SEZ6L2: variants seen among roughly 807,000 people sequenced by gnomAD.
SEZ6L2 encodes the protein seizure 6-like protein 2.
Under a neutral mutation model 97.0 loss-of-function variants are expected in SEZ6L2, and 44 were observed. That is an observed-to-expected ratio of 0.45 (90% CI 0.36 to 0.58). SEZ6L2 has a LOEUF of 0.58. Ranked by LOEUF, SEZ6L2 falls within the 20% of genes least tolerant of loss-of-function variation. The pLI is 0.00. For missense variants in SEZ6L2, 1,086 were observed against 1,233.3 expected, an observed-to-expected ratio of 0.88 and a Z score of 1.79; for synonymous variants, 543 against 546.1, an observed-to-expected ratio of 0.99 and a Z score of 0.08.
chr16:29,885,608 C>T lies in SEZ6L2; in HGVS notation c.1350G>A (p.Leu450=). 1 of 1,613,844 alleles carries T rather than the reference C, an allele frequency of 6.2e-7. No homozygotes were observed. Residue 450 remains leucine, a synonymous_variant, in exon 8 of 18, where the codon CTG becomes CTA. Transcript: ENST00000617533. ...ELLSETPANP[L]LLSLRFEAFE... ...TACCTTCAAATCGAAGGCTTAACAG[C>T]AGGGGATTGGCAGGTGTCTCTGACA...
chr16:29,885,465 C>T, intron 8 of SEZ6L2, 121 bp downstream of exon 8: 1 of 1,078,920 alleles, frequency 9.3e-7, no homozygotes. Context: ...AAGCGAGTCA[C>T]GTTTCAAGGA....
chr16:29,883,493 T>A (rs1224782618), intron 8 of SEZ6L2, among the ~76,000 whole-genome samples: 4 of 152,092 alleles, frequency 2.6e-5, no homozygotes, highest in Non-Finnish European at 4.4e-5. Flanking sequence ...TACTTTTTTT[T>A]AATTTGTAGA....
intron 5 of SEZ6L2, among the ~76,000 whole-genome samples, chr16:29,890,743 C>CT (rs71143763): frequency 0.029 from 2,170 of 74,364 alleles, 27 homozygotes; most frequent in African/African-American, 0.036. Context: ...TAACCATTGT[C>CT]TTTTTTTTTT....
chr16:29,895,842 ATGT>A lies in SEZ6L2; in HGVS notation c.527_529del (p.Asn176del), dbSNP rs1399787005. 12 of 1,613,038 alleles carry A rather than the reference ATGT, an allele frequency of 7.4e-6. No individual in the cohort carries two copies. In the African/African-American group the frequency reaches 8.0e-5, roughly 11 times the overall value. On this transcript the variant is annotated inframe_deletion, in exon 4 of 18. Coordinates refer to ENST00000617533, the MANE Select transcript of SEZ6L2 (RefSeq NM_001243332.2). Reference sequence around the variant, plus strand: ...CTCCACATACCCTTCGCCCTCGGAGATGTTGTTATTACACAGAACTGAGGAGAT... The same window carrying A: ...CTCCACATACCCTTCGCCCTCGGAGATGTTATTACACAGAACTGAGGAGAT...
At chr16:29,886,305 G>T (rs1447183043) in intron 7 of SEZ6L2, among the ~76,000 whole-genome samples, 1 of 152,134 alleles carries the variant, frequency 6.6e-6, no homozygotes, top group Admixed American at 6.6e-5. Context: ...GGAGGTGGAG[G>T]TTGCAGTGAG....
intron 3 of SEZ6L2, among the ~76,000 whole-genome samples, chr16:29,896,244 G>C (rs1191177747): frequency 6.6e-6 from 1 of 151,992 alleles, no homozygotes; most frequent in Non-Finnish European, 1.5e-5. Context: ...GATTACAGCT[G>C]TGCGCTGCTG....
At position 29,885,209 on chromosome 16, in the gene SEZ6L2, A is replaced by AAAAT. The variant is rs34032092; in HGVS notation, c.1372+373_1372+376dup. On this transcript the variant is annotated intron_variant, in intron 8 of 17. Transcript: ENST00000617533. ...GGTGACAGAGCGAGACTCGTCTCAA[A>AAAAT]AAATAAATAAATAAATAAATAAAAT... Among the ~76,000 whole-genome samples, 322 of 151,246 alleles carry AAAAT rather than the reference A, an allele frequency of 2.1e-3. 5 individuals carry two copies. The highest frequency in any genetic ancestry group is 9.7e-4 in the East Asian group (5 of 5,166).
chr16:29,897,273 C>T, intron 2 of SEZ6L2, 152 bp from the exon 3 acceptor site: 1 of 650,810 alleles, frequency 1.5e-6, no homozygotes, highest in Non-Finnish European at 2.5e-6. Context: ...CTTCCCCACC[C>T]CAGCCCCTAC....
At chr16:29,888,747 T>A in intron 5 of SEZ6L2, 22 bp from the exon 6 acceptor site, 1 of 1,593,674 alleles carries the variant, frequency 6.3e-7, no homozygotes, top group East Asian at 2.2e-5. Flanking sequence ...AGACAGCGGG[T>A]AGCAGGGCTC....
Position 29,878,358 on chromosome 16 carries a change from A to G in SEZ6L2, c.1641T>C (p.Tyr547=), listed in dbSNP as rs528374068. The G allele has an allele frequency of 2.1e-5, 34 of 1,608,386 alleles. No homozygotes were observed. The East Asian group carries it at 5.6e-4, about 26-fold the overall frequency. ...CCCACACGCAGTCTTGGCCCGGGCT[A>G]TAGCTCTGGGGCCAGTCGGGAGAGA... is the stretch of plus-strand genomic sequence containing the variant. ...VVLSPDWPQS[Y]SPGQDCVWGV... Residue 547 remains tyrosine, a synonymous_variant, in exon 10 of 18, where the codon TAT becomes TAC. Transcript: ENST00000617533.
intron 1 of SEZ6L2, 48 bp downstream of exon 1, chr16:29,898,893 C>T (rs780074855): frequency 2.0e-6 from 3 of 1,481,932 alleles, no homozygotes; most frequent in Non-Finnish European, 2.8e-6. Context: ...GTGGAGGACC[C>T]CGCTGGACGC....
chr16:29,893,122 C>T (rs547061367), intron 5 of SEZ6L2, among the ~76,000 whole-genome samples: 1 of 152,034 alleles, frequency 6.6e-6, no homozygotes, highest in African/African-American at 2.4e-5. Context: ...GTCGGGAGTT[C>T]GAGACCAGCC....
chr16:29,873,226 G>C lies in SEZ6L2; in HGVS notation c.2488+14C>G, dbSNP rs773711466. 1.3e-5 allele frequency: 21 copies of C among 1,613,220 alleles called. No homozygotes were observed. The South Asian group carries it at 2.3e-4, about 18-fold the overall frequency. ...GACACTGGTGTGCCCCTCCTGCCCTGTCTGGCCAGGCACCTTTGCAGAGTG... is the reference window on the plus strand; with the variant it reads ...GACACTGGTGTGCCCCTCCTGCCCTCTCTGGCCAGGCACCTTTGCAGAGTG... On this transcript the variant is annotated intron_variant, in intron 14 of 17. Coordinates refer to ENST00000617533, the MANE Select transcript of SEZ6L2 (RefSeq NM_001243332.2). This position sits in a 1 kb window ranked among gnomAD's most constrained non-coding sequence, Gnocchi z 4.3.
In SEZ6L2 at chr16:29,896,908, G is replaced by C. The variant is rs1204377961; in HGVS notation, c.425C>G (p.Pro142Arg). Residue 142 changes from proline to arginine, a missense_variant, in exon 3 of 18, where the codon CCT (proline) becomes CGT (arginine). By Grantham distance (103) the Pro-to-Arg change is moderately radical. Transcript: ENST00000617533. ...PPPPSPASPG[P>R]PLGPEGGEEE... is the part of the protein sequence containing the mutation. ...CTCTCCTCCCTCAGGCCCAAGGGGA[G>C]GCCCTGGGGAGGCAGGGCTGGGTGG... The C allele has an allele frequency of 6.2e-7, 1 of 1,613,526 alleles. No homozygotes were observed. Among genetic ancestry groups the C allele is most frequent in the South Asian group, 1.1e-5 (1 of 91,080 alleles).
intron 10 of SEZ6L2, 107 bp from the exon 11 acceptor site, chr16:29,877,574 G>T: frequency 2.9e-6 from 3 of 1,038,498 alleles, no homozygotes; most frequent in Non-Finnish European, 4.1e-6. Context: ...CTACTCTCCA[G>T]CCCCGCCCAT....
chr16:29,879,789 G>C, intron 9 of SEZ6L2, 75 bp downstream of exon 9: 1 of 1,343,902 alleles, frequency 7.4e-7, no homozygotes, highest in Non-Finnish European at 1.0e-6. Flanking sequence ...CTTCCTTTCT[G>C]AACGGCCTTG....
intron 3 of SEZ6L2, among the ~76,000 whole-genome samples, chr16:29,896,229 A>C (rs2068385780): frequency 6.6e-6 from 1 of 151,842 alleles, no homozygotes; most frequent in African/African-American, 2.4e-5. Context: ...CTCCCAAATC[A>C]CTGGGATTAC....
chr16:29,891,398 T>C (rs2068269535), intron 5 of SEZ6L2, among the ~76,000 whole-genome samples: 1 of 152,052 alleles, frequency 6.6e-6, no homozygotes, highest in Non-Finnish European at 1.5e-5. Context: ...GCCTTATTTA[T>C]TTTGTGTCCT....
chr16:29,887,882 C>T (rs919873572), intron 6 of SEZ6L2, 65 bp from the exon 7 acceptor site: 11 of 1,557,844 alleles, frequency 7.1e-6, no homozygotes, highest in East Asian at 2.3e-5. Context: ...CTCGGGGCCT[C>T]GGCCCGTTTT....
Sources: allele counts gnomAD v4.1 joint callset (sites outside exome capture counted in the v4.1 genomes callset), GRCh38; gene constraint gnomAD v4.1.1; non-coding constraint Gnocchi (gnomAD v3.1); transcripts MANE v1.5; gene names NCBI Gene and HGNC (gene_info 2026-07-23, HGNC 2026-07-21).